Variants in PITRM1 observed in about 807,000 individuals in gnomAD.
PITRM1 encodes pitrilysin metallopeptidase 1, also known as presequence protease, mitochondrial.
A neutral mutation model predicts 129.9 loss-of-function variants in PITRM1; 100 were observed. That is an observed-to-expected ratio of 0.77 (90% CI 0.65 to 0.91). PITRM1 has a LOEUF of 0.91. Ranked by LOEUF, PITRM1 falls within the 40% of genes least tolerant of loss-of-function variation. PITRM1 has a pLI of 0.00. For synonymous variants in PITRM1, 591 were observed against 508.8 expected (o/e 1.16, Z -2.17); for missense variants, 1,471 against 1,318.3 (o/e 1.12, Z -1.79).
At chr10:3,156,861 C>T in intron 13 of PITRM1, 69 bp downstream of exon 13, 2 of 1,034,740 alleles carry the variant, frequency 1.9e-6, no homozygotes, top group Non-Finnish European at 2.7e-6. Flanking sequence ...GATTATGTTC[C>T]TAATATTCCT....
rs752396723 is a variant in PITRM1, at chr10:3,144,297, C to G, written c.2527G>C (p.Val843Leu). The change falls in exon 22 of 27, where the codon GTC (valine) becomes CTC (leucine). Residue 843 changes from valine (V) to leucine (L), a missense_variant. Val to Leu is a conservative substitution (Grantham distance 32). Coordinates refer to ENST00000224949, the MANE Select transcript of PITRM1 (RefSeq NM_014889.4). ...PHGSQVIRKL[V>L]MEPTFKPWQM... is the part of the protein sequence containing the mutation. ...GGATGGGCTGTGGTTCTTACCATGA[C>G]CAGCTTCCTAATGACCTGGGAGCCA... 6.4e-7 allele frequency: 1 copy of G among 1,553,310 alleles called. No homozygotes were observed. Among genetic ancestry groups the G allele is most frequent in the Non-Finnish European group, 8.7e-7 (1 of 1,145,706 alleles).
chr10:3,149,866 T>TATA, intron 15 of PITRM1, 113 bp from the exon 16 acceptor site: 1 of 1,086,946 alleles, frequency 9.2e-7, no homozygotes, highest in East Asian at 2.4e-5. Flanking sequence ...GTTTAAGACT[T>TATA]ATACTAGAGT....
At chr10:3,139,416 TTTTCC>T (rs1206468574) in intron 24 of PITRM1, among the ~76,000 whole-genome samples, 1 of 152,036 alleles carries the variant, frequency 6.6e-6, no homozygotes, top group Non-Finnish European at 1.5e-5. Context: ...CAAACAAAGG[TTTTCC>T]TTTCATCTCC....
intron 6 of PITRM1, 154 bp from the exon 7 acceptor site, chr10:3,164,039 A>AC: frequency 2.4e-6 from 1 of 411,240 alleles, no homozygotes; most frequent in Non-Finnish European, 4.3e-6. Flanking sequence ...AAAAAAAAAA[A>AC]CACCCACGCA....
At chr10:3,171,147 TA>T (rs1169315061) in intron 1 of PITRM1, among the ~76,000 whole-genome samples, 18 of 49,196 alleles carry the variant, frequency 3.7e-4, no homozygotes, top group Non-Finnish European at 6.7e-4. Flanking sequence ...ATCGTTCAAT[TA>T]AAAAAAAAAA....
At chr10:3,155,570 G>A (rs1470543298) in intron 14 of PITRM1, 21 bp downstream of exon 14, 1 of 1,613,604 alleles carries the variant, frequency 6.2e-7, no homozygotes. Flanking sequence ...GGACTCGCCA[G>A]CTCGGAAGGA....
At chr10:3,139,349 G>C (rs1839952097) in intron 24 of PITRM1, among the ~76,000 whole-genome samples, 2 of 152,178 alleles carry the variant, frequency 1.3e-5, no homozygotes, top group African/African-American at 4.8e-5. Context: ...GTCAGTGGAG[G>C]GTAGGGGCAG....
intron 23 of PITRM1, 47 bp downstream of exon 23, chr10:3,143,342 C>G: frequency 8.3e-7 from 1 of 1,211,792 alleles, no homozygotes; most frequent in Non-Finnish European, 1.2e-6. Context: ...TTGACAAGCT[C>G]TTCCGTAAGG....
At chr10:3,158,242 G>T in intron 10 of PITRM1, 89 bp from the exon 11 acceptor site, 2 of 768,356 alleles carry the variant, frequency 2.6e-6, no homozygotes, top group Non-Finnish European at 4.3e-6. Flanking sequence ...TCAGAACGAA[G>T]CGCCTTAAAC....
In PITRM1 at chr10:3,158,988, A is replaced by G; in HGVS notation, c.1062T>C (p.Thr354=). Residue 354 remains threonine, a synonymous_variant, in exon 10 of 27, where the codon ACT becomes ACC. Coordinates refer to ENST00000224949, the MANE Select transcript of PITRM1 (RefSeq NM_014889.4). Reference sequence around the variant, plus strand: ...TGTAAAAGGGAGAATTGGGCCCAGAAGTCAAGAGTGAAGACAGAAGACTTA... The same window carrying G: ...TGTAAAAGGGAGAATTGGGCCCAGAGGTCAAGAGTGAAGACAGAAGACTTA... ...FTLSLLSSLL[T]SGPNSPFYKA... 1 of 1,613,794 alleles carries G rather than the reference A, an allele frequency of 6.2e-7. No individual in the cohort carries two copies. Among genetic ancestry groups the G allele is most frequent in the East Asian group, 2.2e-5 (1 of 44,880 alleles).
chr10:3,157,049 A>G lies in PITRM1; in HGVS notation c.1363T>C (p.Trp455Arg). 1 of 1,609,960 alleles carries G rather than the reference A, an allele frequency of 6.2e-7. No homozygotes were observed. The highest frequency in any genetic ancestry group is 1.3e-5 in the African/African-American group (1 of 74,916). The change falls in exon 13 of 27, where the codon TGG becomes CGG. Residue 455 changes from tryptophan to arginine, a missense_variant. By Grantham distance (101) the Trp-to-Arg change is moderately radical. Coordinates refer to ENST00000224949, the MANE Select transcript of PITRM1 (RefSeq NM_014889.4). ...LMLTSYIASC[W>R]NHDGDPVELL... ...TCCACAGGGTCCCCATCATGGTTCCAGCAAGAAGCTATGTACTGGAAGGAA... is the reference window on the plus strand; with the variant it reads ...TCCACAGGGTCCCCATCATGGTTCCGGCAAGAAGCTATGTACTGGAAGGAA...
At chr10:3,162,295 G>C (rs1315634116) in intron 7 of PITRM1, among the ~76,000 whole-genome samples, 1 of 152,116 alleles carries the variant, frequency 6.6e-6, no homozygotes, top group South Asian at 2.1e-4. Context: ...CATATTTCAA[G>C]ATAACCCGAT....
In PITRM1 at chr10:3,166,391, A is replaced by AGAGGAATGGCACGCTAGGAAAGGC. The variant is rs572476455; in HGVS notation, c.267-12_267-11insGCCTTTCCTAGCGTGCCATTCCTC. 2.9e-6 allele frequency: 4 copies of AGAGGAATGGCACGCTAGGAAAGGC among 1,395,452 alleles called. No homozygotes were observed. Among genetic ancestry groups the AGAGGAATGGCACGCTAGGAAAGGC allele is most frequent in the Non-Finnish European group, 4.0e-6 (4 of 1,000,212 alleles). 86.4% of individuals were successfully genotyped at this position (1,395,452 alleles called of 1,614,324 possible). Reference sequence around the variant, plus strand: ...GTACGGAACTGCACGCTAGGGAAGGAGAATGACCAGAACGCAAAAGGTTCA... The same window carrying AGAGGAATGGCACGCTAGGAAAGGC: ...GTACGGAACTGCACGCTAGGGAAGGAGAGGAATGGCACGCTAGGAAAGGCGAATGACCAGAACGCAAAAGGTTCA... On this transcript the variant is annotated splice_polypyrimidine_tract_variant and intron_variant, in intron 3 of 26. Coordinates refer to ENST00000224949, the MANE Select transcript of PITRM1 (RefSeq NM_014889.4).
intron 2 of PITRM1, among the ~76,000 whole-genome samples, chr10:3,169,531 C>A (rs1422154170): frequency 6.6e-6 from 1 of 152,234 alleles, no homozygotes; most frequent in African/African-American, 2.4e-5. Flanking sequence ...ACAAAGCCAA[C>A]AGCTGGCCAA....
Position 3,143,512 on chromosome 10 carries a change from C to T in PITRM1, c.2533-11G>A. 5 of 1,579,428 alleles carry T rather than the reference C, an allele frequency of 3.2e-6. No homozygotes were observed. Among genetic ancestry groups the T allele is most frequent in the Non-Finnish European group, 4.4e-6 (5 of 1,148,384 alleles). On this transcript the variant is annotated splice_polypyrimidine_tract_variant and intron_variant, in intron 22 of 26. Transcript: ENST00000224949. Reference sequence around the variant, plus strand: ...CTTGAAGGTGGGTTCCTGAGGGACACGGTATGGTCAGAGGCGGCTGTGCTG... The same window carrying T: ...CTTGAAGGTGGGTTCCTGAGGGACATGGTATGGTCAGAGGCGGCTGTGCTG...
chr10:3,139,635 G>C (rs539598453), intron 24 of PITRM1, among the ~76,000 whole-genome samples: 6 of 152,274 alleles, frequency 3.9e-5, no homozygotes, highest in African/African-American at 1.4e-4. Context: ...GGCTACCTAC[G>C]TATCTACCTA....
intron 13 of PITRM1, 144 bp downstream of exon 13, chr10:3,156,785 AT>A (rs1842020717): frequency 1.8e-6 from 1 of 556,990 alleles, no homozygotes; most frequent in Non-Finnish European, 3.0e-6. Flanking sequence ...AATTAAGTTA[AT>A]GTAAGCATTT....
intron 6 of PITRM1, chr10:3,164,347 C>G (rs1842695474): frequency 6.5e-6 from 1 of 152,924 alleles, no homozygotes; most frequent in African/African-American, 2.4e-5. Context: ...CACCCATGAG[C>G]CTCAGGGACA....
intron 9 of PITRM1, 30 bp downstream of exon 9, chr10:3,159,818 C>A: frequency 7.5e-7 from 1 of 1,333,770 alleles, no homozygotes; most frequent in South Asian, 1.2e-5. Flanking sequence ...ATGTTTTTGT[C>A]TTGTATGAGC....
Sources: allele counts gnomAD v4.1 joint callset (sites outside exome capture counted in the v4.1 genomes callset), GRCh38; gene constraint gnomAD v4.1.1; transcripts MANE v1.5; gene names NCBI Gene and HGNC (gene_info 2026-07-23, HGNC 2026-07-21).